The following ADGRB3 variants were observed in gnomAD, a reference collection of about 807,000 sequenced individuals.
The protein encoded by ADGRB3 is adhesion G protein-coupled receptor B3, also known as brain-specific angiogenesis inhibitor 3.
ADGRB3 carries 37 observed loss-of-function variants against 193.4 expected under a neutral mutation model. The ratio of observed to expected loss-of-function variants is 0.19; its 90% CI spans 0.15 to 0.25. The LOEUF is 0.25. Among genes scored for constraint, ADGRB3 ranks in the 10% least tolerant of loss-of-function variants. The pLI, the probability that ADGRB3 is intolerant of heterozygous loss-of-function variation, is 1.00. For missense variants in ADGRB3, 1,637 were observed against 1,852.9 expected, an observed-to-expected ratio of 0.88 and a Z score of 2.14; for synonymous variants, 690 against 644.2, an observed-to-expected ratio of 1.07 and a Z score of -1.08.
chr6:69,237,712 CTG>C (rs1766299489), intron 19 of ADGRB3, among the ~76,000 whole-genome samples: 1 of 152,024 alleles, frequency 6.6e-6, no homozygotes, highest in South Asian at 2.1e-4. Flanking sequence ...ATAATGTCAT[CTG>C]TGTGTTTGTG....
intron 3 of ADGRB3, among the ~76,000 whole-genome samples, chr6:68,750,902 G>T (rs1418941374): frequency 6.6e-6 from 1 of 152,126 alleles, no homozygotes; most frequent in Non-Finnish European, 1.5e-5. Context: ...CCTCTTTTAG[G>T]TTTATTTGTT....
At chr6:69,257,207 G>T (rs1766798495) in intron 20 of ADGRB3, among the ~76,000 whole-genome samples, 1 of 152,146 alleles carries the variant, frequency 6.6e-6, no homozygotes, top group Non-Finnish European at 1.5e-5. Context: ...TCAGAATGAT[G>T]CTGGCCTCAT....
At chr6:69,267,769 AC>A (rs1259801925) in intron 20 of ADGRB3, among the ~76,000 whole-genome samples, 1 of 152,148 alleles carries the variant, frequency 6.6e-6, no homozygotes, top group Non-Finnish European at 1.5e-5. Flanking sequence ...TAATTACATT[AC>A]CCTGCCAAGT....
chr6:68,709,142 T>C (rs1348184672), intron 3 of ADGRB3, among the ~76,000 whole-genome samples: 1 of 152,196 alleles, frequency 6.6e-6, no homozygotes, highest in Non-Finnish European at 1.5e-5. Flanking sequence ...ATAATTGTAA[T>C]ACCTTGAAGC....
chr6:68,716,977 A>T (rs2802676), intron 3 of ADGRB3, among the ~76,000 whole-genome samples: 63,417 of 151,396 alleles, frequency 0.42, 13,844 homozygotes, highest in East Asian at 0.65. Flanking sequence ...ATGAAGAGAC[A>T]TTGTGATAAA....
In ADGRB3 at chr6:68,848,883, G is replaced by A. The variant is rs371365841; in HGVS notation, c.758-81676G>A. Among the ~76,000 whole-genome samples, 28 of 151,980 alleles carry A rather than the reference G, an allele frequency of 1.8e-4. No homozygotes were observed. The East Asian group carries it at 4.2e-3, about 23-fold the overall frequency. ...TTTTCCTAAGGCGGCATTAGCATTC[G>A]TTGAATTTTCCATTGATTTTTTAAC... On this transcript the variant is annotated intron_variant, in intron 3 of 31. Transcript: ENST00000370598.
At chr6:69,368,926 A>G (rs1382727804) in intron 29 of ADGRB3, among the ~76,000 whole-genome samples, 2 of 152,110 alleles carry the variant, frequency 1.3e-5, no homozygotes, top group Non-Finnish European at 2.9e-5. Context: ...AACAGCATAG[A>G]AATTAGGAAG....
chr6:69,037,588 A>T (rs1162948828), intron 13 of ADGRB3, among the ~76,000 whole-genome samples: 1 of 152,142 alleles, frequency 6.6e-6, no homozygotes, highest in Non-Finnish European at 1.5e-5. Context: ...TTGACTTCTT[A>T]TAAAACCATC....
chr6:69,101,262 A>G (rs1409776342), intron 17 of ADGRB3, among the ~76,000 whole-genome samples: 2 of 152,142 alleles, frequency 1.3e-5, no homozygotes, highest in African/African-American at 4.8e-5. Flanking sequence ...GGGTTAACGC[A>G]TATAGCATGT....
intron 26 of ADGRB3, among the ~76,000 whole-genome samples, chr6:69,341,256 T>C (rs1768967542): frequency 6.6e-6 from 1 of 152,230 alleles, no homozygotes; most frequent in South Asian, 2.1e-4. Context: ...TTTTTATTTC[T>C]CCACATCCTC....
At chr6:68,828,367 G>A (rs1767888935) in intron 3 of ADGRB3, among the ~76,000 whole-genome samples, 1 of 152,154 alleles carries the variant, frequency 6.6e-6, no homozygotes, top group Admixed American at 6.5e-5. Flanking sequence ...GACAAAATGT[G>A]TTCATACAGA....
intron 17 of ADGRB3, among the ~76,000 whole-genome samples, chr6:69,150,399 C>T (rs976876386): frequency 6.6e-6 from 1 of 152,168 alleles, no homozygotes; most frequent in Non-Finnish European, 1.5e-5. Flanking sequence ...TGCCACAGGC[C>T]CACAGAGAGT....
At position 69,280,901 on chromosome 6, in the gene ADGRB3, C is replaced by G. The variant is rs561736718; in HGVS notation, c.2814+41675C>G. On this transcript the variant is annotated intron_variant, in intron 20 of 31. Transcript: ENST00000370598. ...ATAATACAAAAGAAAAAAGAAAATA[C>G]CTAATTCGCTGTAACAGGAAACAGA... Among the ~76,000 whole-genome samples, 4 of 151,940 alleles carry G rather than the reference C, an allele frequency of 2.6e-5. 1 individual carries two copies. In the South Asian group the frequency reaches 8.3e-4, roughly 32 times the overall value.
chr6:69,061,771 T>TA (rs1771755919), intron 15 of ADGRB3, among the ~76,000 whole-genome samples: 1 of 43,730 alleles, frequency 2.3e-5, no homozygotes, highest in Non-Finnish European at 7.0e-5. Context: ...TGAATTAAGT[T>TA]AAAATTAAAA....
At chr6:68,902,380 C>A (rs1329572287) in intron 3 of ADGRB3, among the ~76,000 whole-genome samples, 1 of 151,896 alleles carries the variant, frequency 6.6e-6, no homozygotes, top group Non-Finnish European at 1.5e-5. Context: ...ATGGTAGTGT[C>A]AAGTGATTTT....
intron 17 of ADGRB3, among the ~76,000 whole-genome samples, chr6:69,100,898 GAAGAAGC>G (rs1773025943): frequency 2.6e-5 from 3 of 114,368 alleles, no homozygotes; most frequent in Admixed American, 9.3e-5. Flanking sequence ...AGGAAGGAAG[GAAGAAGC>G]GAGGGAGGGA....
At chr6:69,009,728 TA>T (rs1438633468) in intron 11 of ADGRB3, among the ~76,000 whole-genome samples, 1 of 152,146 alleles carries the variant, frequency 6.6e-6, no homozygotes, top group Non-Finnish European at 1.5e-5. Context: ...GTAATTCTTT[TA>T]AACCTTCAGA....
chr6:69,369,299 A>G (rs1490769317), intron 29 of ADGRB3, among the ~76,000 whole-genome samples: 1 of 152,124 alleles, frequency 6.6e-6, no homozygotes, highest in Admixed American at 6.6e-5. Context: ...AGACTTTCCA[A>G]TACACTGTAT....
Position 69,014,075 on chromosome 6 carries a change from A to C in ADGRB3, c.1967A>C (p.Glu656Ala). ...FQIVSNLLDEENKEKWEDAQQ... is the reference protein window; with the variant it reads ...FQIVSNLLDEANKEKWEDAQQ... ...ATAGTTAGCAACCTTCTAGATGAAG[A>C]AAACAAGGAAAAATGGGAAGATGCA... Residue 656 changes from glutamate (E) to alanine (A), a missense_variant, in exon 12 of 32, where the codon GAA (glutamate) becomes GCA (alanine). Coordinates refer to ENST00000370598, the MANE Select transcript of ADGRB3 (RefSeq NM_001704.3). The C allele has an allele frequency of 1.2e-6, 2 of 1,605,454 alleles. No individual in the cohort carries two copies. Among genetic ancestry groups the C allele is most frequent in the Non-Finnish European group, 1.7e-6 (2 of 1,174,608 alleles).
Sources: allele counts gnomAD v4.1 joint callset (sites outside exome capture counted in the v4.1 genomes callset), GRCh38; gene constraint gnomAD v4.1.1; transcripts MANE v1.5; gene names NCBI Gene and HGNC (gene_info 2026-07-23, HGNC 2026-07-21).